Variants in SFSWAP observed in about 807,000 individuals in gnomAD.
SFSWAP encodes the protein splicing factor SWAP.
Under a neutral mutation model 100.7 loss-of-function variants are expected in SFSWAP, and 17 were observed. The observed-to-expected ratio is 0.17, with a 90% confidence interval of 0.12 to 0.25. SFSWAP has a LOEUF of 0.25. SFSWAP is among the 10% of genes least tolerant of loss of function. The probability of loss-of-function intolerance (pLI) is 1.00; values close to 1 mark genes in which losing one functional copy is unlikely to be tolerated. For missense variants in SFSWAP, 1,005 were observed against 1,262.6 expected, an observed-to-expected ratio of 0.80 and a Z score of 3.09; for synonymous variants, 504 against 510.1, an observed-to-expected ratio of 0.99 and a Z score of 0.16.
intron 13 of SFSWAP, among the ~76,000 whole-genome samples, chr12:131,773,365 A>T (rs948701272): frequency 6.6e-6 from 1 of 151,942 alleles, no homozygotes; most frequent in Non-Finnish European, 1.5e-5. Context: ...TTTTTGAGAG[A>T]GTCTCACTCT....
rs557751983 is a variant in SFSWAP at position 131,734,898 on chromosome 12, C to T, written c.1081+6470C>T. 1.2e-3 allele frequency among the ~76,000 whole-genome samples: 171 copies of T among 139,938 alleles called. No homozygotes were observed. The highest frequency in any genetic ancestry group is 4.3e-3 in the African/African-American group (161 of 37,124). The allele number at this position is 139,938 out of a possible 152,430, so 91.8% of individuals were successfully genotyped here. A position where few individuals can be genotyped will look rare whatever the true frequency, so the allele number is the denominator to read the frequency against. ...GCAGATACCATCTCAGCCGGCATGG[C>T]GCATGGGGGTGGGGTGGGGCAGTGA... On this transcript the variant is annotated intron_variant, in intron 7 of 17. Transcript: ENST00000261674. The surrounding 1 kb of genome is among the most constrained non-coding windows in gnomAD (Gnocchi z 4.9).
intron 15 of SFSWAP, among the ~76,000 whole-genome samples, chr12:131,788,559 C>T (rs528887969): frequency 6.6e-6 from 1 of 151,586 alleles, no homozygotes; most frequent in South Asian, 2.1e-4. Context: ...AGGGTCTCAC[C>T]CTGTTTCCCA....
At chr12:131,783,813 T>TATATATATATATATATATATATATATAA (rs1005316047) in intron 14 of SFSWAP, 6 of 135,054 alleles carry the variant, frequency 4.4e-5, no homozygotes, top group Non-Finnish European at 8.0e-5. Context: ...TATATATATA[T>TATATATATATATATATATATATATATAA]ATATATATAA....
chr12:131,728,361 C>T lies in SFSWAP; in HGVS notation c.1014C>T (p.Ser338=). 6.2e-7 allele frequency: 1 copy of T among 1,614,206 alleles called. No individual in the cohort carries two copies. The highest frequency in any genetic ancestry group is 1.1e-5 in the South Asian group (1 of 91,090). The change falls in exon 7 of 18, where the codon TCC becomes TCT. Residue 338 remains serine, a synonymous_variant. Transcript: ENST00000261674. ...ALVRKAQADS[S]TPTPHNADGA... ...TTCGTAAGGCACAGGCTGACAGTTC[C>T]ACTCCCACCCCACACAACGCAGACG... is the stretch of plus-strand genomic sequence containing the variant.
At chr12:131,773,725 C>T (rs1883795014) in intron 13 of SFSWAP, among the ~76,000 whole-genome samples, 1 of 152,194 alleles carries the variant, frequency 6.6e-6, no homozygotes, top group Non-Finnish European at 1.5e-5. Flanking sequence ...TGAAACCTGC[C>T]TGTGTTTGCT....
At chr12:131,760,741 G>T (rs549611123) in intron 11 of SFSWAP, among the ~76,000 whole-genome samples, 47 of 152,272 alleles carry the variant, frequency 3.1e-4, no homozygotes, top group Non-Finnish European at 5.4e-4. Context: ...TGTTTAAGTG[G>T]TCTGTGTTGA....
intron 11 of SFSWAP, among the ~76,000 whole-genome samples, chr12:131,761,011 G>A (rs1882628528): frequency 6.6e-6 from 1 of 152,300 alleles, no homozygotes. Context: ...GGTGGAAGTT[G>A]CAGTGAGCCT....
chr12:131,777,198 T>TA (rs1186522100), intron 13 of SFSWAP, among the ~76,000 whole-genome samples: 2 of 152,212 alleles, frequency 1.3e-5, no homozygotes, highest in African/African-American at 4.8e-5. Flanking sequence ...ACGTGCAGGT[T>TA]AGTTACATAT....
chr12:131,711,136 G>C lies in SFSWAP; in HGVS notation c.-94G>C, dbSNP rs1444301967. ...GCGGTGTTGAGGTTGGGTACGGGAT[G>C]CGGGGTCTTTGACTGAAGGGGTAGG... is the stretch of plus-strand genomic sequence containing the variant. On this transcript the variant is annotated 5_prime_UTR_variant, in exon 1 of 18. It removes an upstream start codon present in the reference 5' UTR. Coordinates refer to ENST00000261674, the MANE Select transcript of SFSWAP (RefSeq NM_004592.4). The surrounding 1 kb of genome is among the most constrained non-coding windows in gnomAD (Gnocchi z 4.9). The C allele has an allele frequency of 1.2e-5, 12 of 1,027,110 alleles. No individual in the cohort carries two copies. The highest frequency in any genetic ancestry group is 1.7e-5 in the Non-Finnish European group (12 of 723,440). The allele number at this position is 1,027,110 out of a possible 1,614,324, so 63.6% of individuals were successfully genotyped here. A position where few individuals can be genotyped will look rare whatever the true frequency, so the allele number is the denominator to read the frequency against.
chr12:131,731,600 T>C (rs1879516318), intron 7 of SFSWAP, among the ~76,000 whole-genome samples: 1 of 152,228 alleles, frequency 6.6e-6, no homozygotes, highest in Admixed American at 6.5e-5. Context: ...TTGTAATCAG[T>C]CATTGATAAC....
rs68047235 is a variant in SFSWAP at position 131,783,792 on chromosome 12, T to TTATATATATATATATATATATA, written c.2409-2662_2409-2641dup. 762 of 86,454 alleles carry TTATATATATATATATATATATA rather than the reference T, an allele frequency of 8.8e-3. 15 individuals are homozygous for TTATATATATATATATATATATA. The highest frequency in any genetic ancestry group is 0.013 in the Non-Finnish European group (555 of 42,080). 5.4% of individuals were successfully genotyped at this position (86,454 alleles called of 1,614,324 possible). On this transcript the variant is annotated intron_variant, in intron 14 of 17. Coordinates refer to ENST00000261674, the MANE Select transcript of SFSWAP (RefSeq NM_004592.4). ...AGACTCCGTCTCAAAAAAAAACATT[T>TTATATATATATATATATATATA]TATATATATATATATATATATATAT...
At chr12:131,759,779 G>A (rs907626694) in intron 11 of SFSWAP, among the ~76,000 whole-genome samples, 4 of 151,330 alleles carry the variant, frequency 2.6e-5, no homozygotes, top group Non-Finnish European at 5.9e-5. Flanking sequence ...TCCAGCCTGG[G>A]TGACAGAGCG....
At chr12:131,773,973 G>A (rs907872009) in intron 13 of SFSWAP, among the ~76,000 whole-genome samples, 1 of 152,216 alleles carries the variant, frequency 6.6e-6, no homozygotes, top group Non-Finnish European at 1.5e-5. Context: ...AGTGGTAAAG[G>A]ACAGGTGGCC....
At chr12:131,783,394 T>C (rs536074037) in intron 14 of SFSWAP, 8 of 152,314 alleles carry the variant, frequency 5.3e-5, no homozygotes, top group Non-Finnish European at 1.2e-4. Flanking sequence ...CATTTAGTTA[T>C]CTAAATGCAT....
At position 131,734,959 on chromosome 12, in the gene SFSWAP, C is replaced by T. The variant is rs909713525; in HGVS notation, c.1081+6531C>T. ...GCTCCGAGAGACAGACAGGTCAGGCCGGAAGCGACTGTCCGTGAAGGTGAC... is the reference window on the plus strand; with the variant it reads ...GCTCCGAGAGACAGACAGGTCAGGCTGGAAGCGACTGTCCGTGAAGGTGAC... On this transcript the variant is annotated intron_variant, in intron 7 of 17. Transcript: ENST00000261674. The surrounding 1 kb of genome is among the most constrained non-coding windows in gnomAD (Gnocchi z 4.9). Among the ~76,000 whole-genome samples the T allele has an allele frequency of 5.9e-5, 9 of 152,162 alleles. No homozygotes were observed. The highest frequency in any genetic ancestry group is 6.5e-5 in the Admixed American group (1 of 15,272).
At chr12:131,753,390 C>T (rs1195516768) in intron 8 of SFSWAP, 27 bp downstream of exon 8, 2 of 1,594,912 alleles carry the variant, frequency 1.3e-6, no homozygotes, top group South Asian at 1.1e-5. Context: ...CCGCTGCCTG[C>T]TGTGTGAGTC....
chr12:131,778,658 C>T lies in SFSWAP; in HGVS notation c.2408+328C>T, dbSNP rs1014428051. Among the ~76,000 whole-genome samples the T allele has an allele frequency of 2.0e-5, 3 of 152,108 alleles. No homozygotes were observed. The highest frequency in any genetic ancestry group is 4.4e-5 in the Non-Finnish European group (3 of 68,014). On this transcript the variant is annotated intron_variant, in intron 14 of 17. Coordinates refer to ENST00000261674, the MANE Select transcript of SFSWAP (RefSeq NM_004592.4). The surrounding 1 kb of genome is among the most constrained non-coding windows in gnomAD (Gnocchi z 4.2). Reference sequence around the variant, plus strand: ...TCAGCCTCCTGAGTAGCTGGGATTACAGGTGCCCACCACCACGCCTGGCTA... The same window carrying T: ...TCAGCCTCCTGAGTAGCTGGGATTATAGGTGCCCACCACCACGCCTGGCTA...
At chr12:131,787,113 G>A (rs532563588) in intron 15 of SFSWAP, among the ~76,000 whole-genome samples, 4 of 152,294 alleles carry the variant, frequency 2.6e-5, no homozygotes, top group Admixed American at 2.0e-4. Flanking sequence ...AGGAGAGCCT[G>A]TCTTGGTTGG....
At chr12:131,728,912 C>G (rs944957226) in intron 7 of SFSWAP, among the ~76,000 whole-genome samples, 9 of 152,058 alleles carry the variant, frequency 5.9e-5, no homozygotes, top group African/African-American at 1.4e-4. Flanking sequence ...CCAGGCTGGT[C>G]TCGAGCTCCT....
Sources: gnomAD v4.1 joint callset for allele counts (sites outside exome capture counted in the v4.1 genomes callset) on GRCh38, gnomAD v4.1.1 for gene constraint, Gnocchi (gnomAD v3.1) non-coding constraint, MANE v1.5 for transcripts, NCBI Gene and HGNC (gene_info 2026-07-23, HGNC 2026-07-21) for gene names.